The following CHN2 variants were observed in gnomAD, a reference collection of about 807,000 sequenced individuals.
CHN2 encodes beta-chimaerin.
CHN2 carries 35 observed loss-of-function variants against 56.3 expected under a neutral mutation model. The ratio of observed to expected loss-of-function variants is 0.62; its 90% CI spans 0.47 to 0.82. The LOEUF (loss-of-function observed/expected upper bound fraction) is 0.82, where lower values mean the gene tolerates loss of function less well. Ranked by LOEUF, CHN2 falls within the 40% of genes least tolerant of loss-of-function variation. The probability of loss-of-function intolerance (pLI) is 0.00; values close to 1 mark genes in which losing one functional copy is unlikely to be tolerated. For synonymous variants in CHN2, 210 were observed against 212.8 expected (o/e 0.99, Z 0.12); for missense variants, 491 against 580.5 (o/e 0.85, Z 1.58).
At chr7:29,468,251 T>C (rs1435494038) in intron 6 of CHN2, among the ~76,000 whole-genome samples, 2 of 151,182 alleles carry the variant, frequency 1.3e-5, no homozygotes, top group African/African-American at 4.9e-5. Flanking sequence ...ATGATGTGAC[T>C]TTCTGGGGGA....
chr7:29,498,852 C>G (rs1789613710), intron 8 of CHN2, among the ~76,000 whole-genome samples: 2 of 148,226 alleles, frequency 1.3e-5, no homozygotes, highest in African/African-American at 5.0e-5. Context: ...ACCTCTGCCT[C>G]CTGGGTTCAA....
At chr7:29,305,562 G>T (rs1794070312) in intron 1 of CHN2, among the ~76,000 whole-genome samples, 1 of 152,030 alleles carries the variant, frequency 6.6e-6, no homozygotes, top group African/African-American at 2.4e-5. Flanking sequence ...TGGAAAGTTG[G>T]GTCAATAGCT....
intron 6 of CHN2, among the ~76,000 whole-genome samples, chr7:29,417,876 C>T (rs2128103290): frequency 6.6e-6 from 1 of 152,258 alleles, no homozygotes; most frequent in East Asian, 1.9e-4. Context: ...AACCTTGGAA[C>T]TTGAGCATGT....
intron 2 of CHN2, among the ~76,000 whole-genome samples, chr7:29,357,451 G>T (rs1214576442): frequency 6.6e-6 from 1 of 152,162 alleles, no homozygotes; most frequent in Non-Finnish European, 1.5e-5. Context: ...GAATTATCGA[G>T]CTCATGCTAC....
chr7:29,368,215 G>A (rs1274200040), intron 3 of CHN2, among the ~76,000 whole-genome samples: 2 of 151,932 alleles, frequency 1.3e-5, no homozygotes, highest in Admixed American at 6.6e-5. Flanking sequence ...AACCATTGCC[G>A]AGACAAATTA....
At chr7:29,487,561 C>G (rs556539970) in intron 7 of CHN2, among the ~76,000 whole-genome samples, 134 of 152,174 alleles carry the variant, frequency 8.8e-4, no homozygotes, top group Non-Finnish European at 1.7e-3. Context: ...TCTCATAAAG[C>G]CTCCAGGGAA....
intron 1 of CHN2, among the ~76,000 whole-genome samples, chr7:29,353,589 G>T (rs1798051414): frequency 6.6e-6 from 1 of 152,144 alleles, no homozygotes; most frequent in Non-Finnish European, 1.5e-5. Context: ...AGGATGCGAA[G>T]GTTGCAGTGA....
At chr7:29,189,562 C>T (rs1253018945) in intron 2 of CHN2, among the ~76,000 whole-genome samples, 1 of 152,100 alleles carries the variant, frequency 6.6e-6, no homozygotes, top group Non-Finnish European at 1.5e-5. Flanking sequence ...TGTTTGTAAC[C>T]TGAAGTGTCA....
rs1488722224 is a variant in CHN2, at chr7:29,514,113, A to G, written c.*1378A>G. ...CTGGACAGTCCCAAGGGCTATGCAG[A>G]TGGACTCCATTGGCACAGGGAGGTT... On this transcript the variant is annotated 3_prime_UTR_variant, in exon 13 of 13. Coordinates refer to ENST00000222792, the MANE Select transcript of CHN2 (RefSeq NM_004067.4). The G allele has an allele frequency of 6.6e-6, 1 of 152,664 alleles. No individual in the cohort carries two copies. The highest frequency in any genetic ancestry group is 1.5e-5 in the Non-Finnish European group (1 of 68,060). The allele number at this position is 152,664 out of a possible 1,614,324, so 9.5% of individuals were successfully genotyped here.
At chr7:29,405,222 C>CACACACACACACCA (rs56116764) in intron 6 of CHN2, among the ~76,000 whole-genome samples, 1 of 146,404 alleles carries the variant, frequency 6.8e-6, no homozygotes, top group Non-Finnish European at 1.5e-5. Flanking sequence ...CACACACACA[C>CACACACACACACCA]GGCAGTTCCA....
intron 1 of CHN2, among the ~76,000 whole-genome samples, chr7:29,228,912 C>T (rs981019726): frequency 6.6e-6 from 1 of 152,248 alleles, no homozygotes. Context: ...TCTGCTTTCA[C>T]GCCCATTCTT....
chr7:29,274,848 G>A (rs555097454), intron 1 of CHN2, among the ~76,000 whole-genome samples: 6 of 152,308 alleles, frequency 3.9e-5, no homozygotes, highest in Admixed American at 2.0e-4. Context: ...CAGGGCTGGC[G>A]GAAGGATGGT....
At chr7:29,147,577 C>G (rs1792933843) in intron 2 of CHN2, among the ~76,000 whole-genome samples, 1 of 152,192 alleles carries the variant, frequency 6.6e-6, no homozygotes, top group African/African-American at 2.4e-5. Context: ...CACTGAAAAA[C>G]TATGTGTAAA....
intron 10 of CHN2, among the ~76,000 whole-genome samples, chr7:29,505,332 C>T (rs961354323): frequency 9.2e-5 from 14 of 152,108 alleles, no homozygotes; most frequent in African/African-American, 2.9e-4. Context: ...CTGGATAAGC[C>T]CAAGAATCTG....
intron 4 of CHN2, among the ~76,000 whole-genome samples, chr7:29,396,271 G>GC (rs1023554477): frequency 2.6e-5 from 4 of 151,542 alleles, no homozygotes; most frequent in South Asian, 2.1e-4. Flanking sequence ...GGTGAGACCC[G>GC]CCCCCACTCC....
At chr7:29,296,866 G>A (rs898909956) in intron 1 of CHN2, among the ~76,000 whole-genome samples, 1 of 152,156 alleles carries the variant, frequency 6.6e-6, no homozygotes, top group Non-Finnish European at 1.5e-5. Context: ...TAAACACTTT[G>A]CCTGTAACCT....
At chr7:29,261,505 C>T (rs1304042401) in intron 1 of CHN2, among the ~76,000 whole-genome samples, 1 of 124,522 alleles carries the variant, frequency 8.0e-6, no homozygotes, top group Admixed American at 8.8e-5. Flanking sequence ...AAGTATTTCT[C>T]TAGCCCACAC....
At chr7:29,489,930 CTGAAACAATA>C (rs1266930579) in intron 7 of CHN2, among the ~76,000 whole-genome samples, 1 of 152,058 alleles carries the variant, frequency 6.6e-6, no homozygotes, top group Admixed American at 6.6e-5. Context: ...CCTGTTTTTC[CTGAAACAATA>C]GGCCAGTTTA....
chr7:29,358,654 CAG>C (rs1798506882), intron 2 of CHN2, among the ~76,000 whole-genome samples: 2 of 152,016 alleles, frequency 1.3e-5, no homozygotes, highest in African/African-American at 2.4e-5. Flanking sequence ...TTAATAGAGA[CAG>C]GGTTTCACCC....
Sources: allele counts gnomAD v4.1 joint callset (sites outside exome capture counted in the v4.1 genomes callset), GRCh38; gene constraint gnomAD v4.1.1; transcripts MANE v1.5; gene names NCBI Gene and HGNC (gene_info 2026-07-23, HGNC 2026-07-21).